The following FHIP1A variants were observed in gnomAD, a reference collection of about 807,000 sequenced individuals.
FHIP1A encodes the protein FHF complex subunit HOOK interacting protein 1A.
Under a neutral mutation model 88.6 loss-of-function variants are expected in FHIP1A, and 61 were observed. The ratio of observed to expected loss-of-function variants is 0.69; its 90% CI spans 0.56 to 0.85. The LOEUF (loss-of-function observed/expected upper bound fraction) is 0.85, where lower values mean the gene tolerates loss of function less well. FHIP1A is among the 40% of genes least tolerant of loss of function. The pLI is 0.00. For missense variants in FHIP1A, 1,154 were observed against 1,273.5 expected, an observed-to-expected ratio of 0.91 and a Z score of 1.43; for synonymous variants, 478 against 496.0, an observed-to-expected ratio of 0.96 and a Z score of 0.48.
intron 1 of FHIP1A, among the ~76,000 whole-genome samples, chr4:151,412,687 CT>C (rs555613459): frequency 0.52 from 49,724 of 95,706 alleles, 12,386 homozygotes; most frequent in Non-Finnish European, 0.54. Context: ...CTCTTTCTTT[CT>C]TTTTTTTTTT....
intron 4 of FHIP1A, 111 bp downstream of exon 4, chr4:151,566,475 C>A: frequency 1.5e-6 from 1 of 646,566 alleles, no homozygotes; most frequent in Non-Finnish European, 2.7e-6. Context: ...GCTAGAAACA[C>A]AGGGAGGGAA....
chr4:151,541,302 T>C (rs1284663873), intron 3 of FHIP1A, among the ~76,000 whole-genome samples: 14 of 152,256 alleles, frequency 9.2e-5, no homozygotes. Context: ...GTTAGGTTAA[T>C]AAAGCATTAA....
chr4:151,615,967 C>T (rs932052926), intron 7 of FHIP1A, among the ~76,000 whole-genome samples: 3 of 152,100 alleles, frequency 2.0e-5, no homozygotes, highest in South Asian at 2.1e-4. Flanking sequence ...AGGGACCCAA[C>T]TACAATTTAG....
chr4:151,462,258 C>T (rs1040963249), intron 2 of FHIP1A, among the ~76,000 whole-genome samples: 1 of 152,148 alleles, frequency 6.6e-6, no homozygotes, highest in Non-Finnish European at 1.5e-5. Context: ...TAAGCCTCTT[C>T]CTGAGATGCA....
intron 3 of FHIP1A, among the ~76,000 whole-genome samples, chr4:151,565,887 G>T (rs375100633): frequency 6.6e-6 from 1 of 152,026 alleles, no homozygotes; most frequent in African/African-American, 2.4e-5. Flanking sequence ...GTGGCTGGTT[G>T]TAGTGGAGAG....
At chr4:151,535,681 T>C (rs962575890) in intron 3 of FHIP1A, among the ~76,000 whole-genome samples, 1 of 152,262 alleles carries the variant, frequency 6.6e-6, no homozygotes, top group African/African-American at 2.4e-5. Flanking sequence ...AACATTGGGA[T>C]CATACCTTAT....
rs116154915 is a variant in FHIP1A, at chr4:151,490,136, C to T, written c.-123+7488C>T. 9.2e-3 allele frequency among the ~76,000 whole-genome samples: 1,397 copies of T among 152,284 alleles called. 19 individuals carry two copies. The highest frequency in any genetic ancestry group is 0.031 in the African/African-American group (1,305 of 41,560). ...CAGCTAATTCCACTACCTGCAACAC[C>T]CTGGCTAACCAGAGGTCGTGAGTCT... is the stretch of plus-strand genomic sequence containing the variant. On this transcript the variant is annotated intron_variant, in intron 3 of 13. Transcript: ENST00000435205.
At chr4:151,627,021 T>C (rs1432381375) in intron 7 of FHIP1A, among the ~76,000 whole-genome samples, 1 of 152,110 alleles carries the variant, frequency 6.6e-6, no homozygotes, top group Non-Finnish European at 1.5e-5. Flanking sequence ...AGGAAAAGAT[T>C]TTCTGGTATA....
intron 11 of FHIP1A, among the ~76,000 whole-genome samples, chr4:151,655,427 G>A (rs1313956718): frequency 2.0e-5 from 3 of 152,218 alleles, no homozygotes; most frequent in South Asian, 4.2e-4. Context: ...TTAATGGACC[G>A]CTTTTGTATG....
chr4:151,515,916 C>G (rs547406168), intron 3 of FHIP1A, among the ~76,000 whole-genome samples: 1 of 152,156 alleles, frequency 6.6e-6, no homozygotes, highest in African/African-American at 2.4e-5. Context: ...ATCAAGCTAC[C>G]AATGACTTTC....
At chr4:151,639,371 T>C (rs1736482922) in intron 9 of FHIP1A, among the ~76,000 whole-genome samples, 1 of 152,194 alleles carries the variant, frequency 6.6e-6, no homozygotes, top group South Asian at 2.1e-4. Context: ...AGTGCACAGC[T>C]ATTAAGAAGA....
Position 151,656,251 on chromosome 4 carries a change from C to A in FHIP1A, c.2571C>A (p.Val857=), listed in dbSNP as rs775112031. The A allele has an allele frequency of 1.3e-6, 2 of 1,551,626 alleles. No homozygotes were observed. The highest frequency in any genetic ancestry group is 2.4e-5 in the South Asian group (2 of 84,048). The part of the protein sequence containing the change: ...TPFTGPFISV[V]LSKLENMLEN... The stretch of plus-strand genomic sequence containing the variant: ...CTGCAGGCCCATTCATCAGCGTAGT[C>A]CTGTCAAAGCTGGAGAACATGCTGG... Residue 857 remains valine (V), a synonymous_variant, in exon 12 of 14, where the codon GTC becomes GTA. Coordinates refer to ENST00000435205, the MANE Select transcript of FHIP1A (RefSeq NM_001109977.3). The surrounding 1 kb of genome is among the most constrained non-coding windows in gnomAD (Gnocchi z 4.2).
intron 3 of FHIP1A, among the ~76,000 whole-genome samples, chr4:151,549,837 A>G (rs1732657705): frequency 6.6e-6 from 1 of 152,174 alleles, no homozygotes; most frequent in South Asian, 2.1e-4. Context: ...AGTATGGGAC[A>G]CATGTTCTTT....
At chr4:151,515,153 T>C (rs1560741641) in intron 3 of FHIP1A, among the ~76,000 whole-genome samples, 1 of 152,098 alleles carries the variant, frequency 6.6e-6, no homozygotes, top group Non-Finnish European at 1.5e-5. Flanking sequence ...GTTCAATATA[T>C]GCAAATCAAT....
intron 3 of FHIP1A, among the ~76,000 whole-genome samples, chr4:151,526,630 C>T (rs1474403895): frequency 6.7e-6 from 1 of 149,262 alleles, no homozygotes; most frequent in African/African-American, 2.5e-5. Flanking sequence ...CCCCACCTCC[C>T]TCCCGGACGG....
intron 11 of FHIP1A, among the ~76,000 whole-genome samples, chr4:151,651,220 A>G (rs536914462): frequency 6.6e-5 from 10 of 152,378 alleles, no homozygotes; most frequent in African/African-American, 1.7e-4. Flanking sequence ...GGTATATTCA[A>G]TGATACACTA....
intron 1 of FHIP1A, among the ~76,000 whole-genome samples, chr4:151,418,985 A>G (rs1733008392): frequency 1.3e-5 from 2 of 152,106 alleles, no homozygotes. Flanking sequence ...CATGTCACCT[A>G]TCATGGTCTC....
chr4:151,586,801 T>C lies in FHIP1A; in HGVS notation c.891+2T>C, dbSNP rs1054107069. 2 of 1,542,408 alleles carry C rather than the reference T, an allele frequency of 1.3e-6. No individual in the cohort carries two copies. The highest frequency in any genetic ancestry group is 1.4e-5 in the African/African-American group (1 of 72,924). On this transcript the variant is annotated splice_donor_variant, in intron 6 of 13. Transcript: ENST00000435205. LOFTEE classifies it high-confidence loss of function. ...GAGTTTTGCAATGCAGTCATACAGGTACCAGAGCACAATAAAGGATCCCTT... is the reference window on the plus strand; with the variant it reads ...GAGTTTTGCAATGCAGTCATACAGGCACCAGAGCACAATAAAGGATCCCTT...
intron 1 of FHIP1A, among the ~76,000 whole-genome samples, chr4:151,443,606 G>A (rs1053273781): frequency 5.6e-5 from 8 of 142,352 alleles, no homozygotes; most frequent in African/African-American, 2.1e-4. Context: ...AAAAAGATGT[G>A]TATGTAGAGC....
Sources: gnomAD v4.1 joint callset for allele counts (sites outside exome capture counted in the v4.1 genomes callset) on GRCh38, gnomAD v4.1.1 for gene constraint, Gnocchi (gnomAD v3.1) non-coding constraint, MANE v1.5 for transcripts, NCBI Gene and HGNC (gene_info 2026-07-23, HGNC 2026-07-21) for gene names.